Variants in LRP6 observed in about 807,000 individuals in gnomAD.
LRP6 encodes the protein LDL receptor related protein 6.
Under a neutral mutation model 184.1 loss-of-function variants are expected in LRP6, and 43 were observed. The observed-to-expected ratio is 0.23, with a 90% CI of 0.18 to 0.30. LRP6 has a LOEUF of 0.30. Among genes scored for constraint, LRP6 ranks in the 10% least tolerant of loss-of-function variants. LRP6 has a pLI of 1.00. For synonymous variants in LRP6, 719 were observed against 684.9 expected (o/e 1.05, Z -0.78); for missense variants, 1,571 against 2,005.3 (o/e 0.78, Z 4.14).
intron 12 of LRP6, chr12:12,155,181 G>GT (rs1445683634): frequency 3.6e-6 from 2 of 549,688 alleles, no homozygotes; most frequent in Admixed American, 4.5e-5. Flanking sequence ...GGGTGACAGT[G>GT]TGAGACTCTG....
chr12:12,148,979 C>A lies in LRP6; in HGVS notation c.3169G>T (p.Asp1057Tyr). The A allele has an allele frequency of 6.2e-7, 1 of 1,613,816 alleles. No homozygotes were observed. Among genetic ancestry groups the A allele is most frequent in the South Asian group, 1.1e-5 (1 of 91,050 alleles). The change falls in exon 14 of 23, where the codon GAC becomes TAC. Residue 1057 changes from aspartate to tyrosine, a missense_variant. Physicochemically the swap from Asp to Tyr is radical, Grantham distance 160. Around this residue, in one of 4 missense-constraint regions of LRP6, gnomAD observed 763 missense variants for 859.5 expected, o/e 0.89. Transcript: ENST00000261349. ...SVGVVLKGEQ[D>Y]RPRAVVVNPE... ...TTTACCACAACGGCTCGAGGTCTGTCCTGCTCGCCTTTCAGCACCACTCCA... is the reference window on the plus strand; with the variant it reads ...TTTACCACAACGGCTCGAGGTCTGTACTGCTCGCCTTTCAGCACCACTCCA...
In LRP6 at chr12:12,131,359, C is replaced by T. The variant is rs1008999559; in HGVS notation, c.3970+462G>A. Among the ~76,000 whole-genome samples, 20 of 151,950 alleles carry T rather than the reference C, an allele frequency of 1.3e-4. 1 individual carries two copies. In the South Asian group the frequency reaches 1.4e-3, roughly 11 times the overall value. ...TCCTGACCTCGTGATCCGCCCGCCT[C>T]GGCCTCCCAAAGTGCTGGGATTACA... On this transcript the variant is annotated intron_variant, in intron 18 of 22. Transcript: ENST00000261349.
intron 3 of LRP6, among the ~76,000 whole-genome samples, chr12:12,196,080 T>C (rs1441138618): frequency 1.3e-5 from 2 of 152,200 alleles, no homozygotes; most frequent in East Asian, 3.8e-4. Flanking sequence ...CCATGCTGTT[T>C]TGGTTACTAC....
intron 7 of LRP6, among the ~76,000 whole-genome samples, chr12:12,172,069 C>T (rs937028665): frequency 6.6e-6 from 1 of 152,154 alleles, no homozygotes; most frequent in African/African-American, 2.4e-5. Flanking sequence ...AAAAACTGTG[C>T]CAATGTTAAT....
At chr12:12,223,486 C>A (rs1864541469) in intron 2 of LRP6, among the ~76,000 whole-genome samples, 1 of 152,160 alleles carries the variant, frequency 6.6e-6, no homozygotes, top group Non-Finnish European at 1.5e-5. Context: ...GGAATCTGCA[C>A]TTGTTTATAT....
chr12:12,186,921 AC>A lies in LRP6; in HGVS notation c.844+1del. ...GCAATTTAAAAATCAAGGATCACTTACCATTTGGCTGCCTCTGTTGGCTGAA... is the reference window on the plus strand; with the variant it reads ...GCAATTTAAAAATCAAGGATCACTTACATTTGGCTGCCTCTGTTGGCTGAA... On this transcript the variant is annotated splice_donor_variant, in intron 4 of 22. Transcript: ENST00000261349. LOFTEE classifies it high-confidence loss of function. The A allele has an allele frequency of 6.2e-7, 1 of 1,613,826 alleles. No individual in the cohort carries two copies. The highest frequency in any genetic ancestry group is 8.5e-7 in the Non-Finnish European group (1 of 1,179,694).
intron 2 of LRP6, among the ~76,000 whole-genome samples, chr12:12,239,982 G>T (rs1039989518): frequency 5.3e-5 from 8 of 149,696 alleles, no homozygotes; most frequent in African/African-American, 1.5e-4. Flanking sequence ...AACTGGATGA[G>T]AGTTAAGATA....
chr12:12,133,854 G>GTTT (rs761883648), intron 17 of LRP6, among the ~76,000 whole-genome samples: 7,927 of 116,452 alleles, frequency 0.068, 1,277 homozygotes, highest in Middle Eastern at 0.23. Context: ...TTGGGGGGGG[G>GTTT]GGGGGGGGAG....
intron 12 of LRP6, among the ~76,000 whole-genome samples, chr12:12,154,677 C>T (rs945214432): frequency 6.6e-6 from 1 of 151,890 alleles, no homozygotes; most frequent in Non-Finnish European, 1.5e-5. Context: ...CTAACCTGGG[C>T]AACACAGTAA....
At position 12,147,401 on chromosome 12, in the gene LRP6, G is replaced by A; in HGVS notation, c.3362C>T (p.Ser1121Leu). ...ACTGCTTTCAATTCGCCGGAGATCT[G>A]AATCAGCCCAAAAGAGCTTGCCCAG... ...SRLGKLFWADSDLRRIESSDL... is the reference protein window; with the variant it reads ...SRLGKLFWADLDLRRIESSDL... The change falls in exon 15 of 23, where the codon TCA (serine) becomes TTA (leucine). Residue 1121 changes from serine to leucine, a missense_variant. This residue lies in a region of LRP6 where 763 missense variants were observed against 859.5 expected (regional missense o/e 0.89). Transcript: ENST00000261349. 1 of 1,614,128 alleles carries A rather than the reference G, an allele frequency of 6.2e-7. No homozygotes were observed. Among genetic ancestry groups the A allele is most frequent in the South Asian group, 1.1e-5 (1 of 91,074 alleles).
At chr12:12,126,425 A>G (rs1185851971) in intron 20 of LRP6, among the ~76,000 whole-genome samples, 4 of 152,196 alleles carry the variant, frequency 2.6e-5, no homozygotes, top group African/African-American at 9.7e-5. Context: ...CTTCCGTAGC[A>G]TGCATCCAGA....
chr12:12,213,172 G>A (rs77043917), intron 2 of LRP6, among the ~76,000 whole-genome samples: 2,978 of 152,042 alleles, frequency 0.02, 46 homozygotes, highest in Non-Finnish European at 0.029. Context: ...AATGTGTGTG[G>A]AAGTATATGG....
rs1342099103 is a variant in LRP6, at chr12:12,202,366, G to C, written c.647+837C>G. ...AAGACCAGCCTGGGCAACATGGTGA[G>C]ACGCCATCTTTACAAAAATGACAAA... On this transcript the variant is annotated intron_variant, in intron 3 of 22. Coordinates refer to ENST00000261349, the MANE Select transcript of LRP6 (RefSeq NM_002336.3). 2.0e-5 allele frequency among the ~76,000 whole-genome samples: 3 copies of C among 152,300 alleles called. No homozygotes were observed. In the East Asian group the frequency reaches 5.8e-4, roughly 29 times the overall value.
intron 2 of LRP6, among the ~76,000 whole-genome samples, chr12:12,228,805 T>C (rs1864698536): frequency 6.6e-6 from 1 of 152,074 alleles, no homozygotes; most frequent in African/African-American, 2.4e-5. Flanking sequence ...GTGGAAAAAC[T>C]GTCTTCCACA....
At chr12:12,154,607 G>C (rs975079063) in intron 12 of LRP6, among the ~76,000 whole-genome samples, 1 of 152,130 alleles carries the variant, frequency 6.6e-6, no homozygotes, top group South Asian at 2.1e-4. Context: ...GCATGTGCTC[G>C]TAGTTCCAGC....
intron 2 of LRP6, among the ~76,000 whole-genome samples, chr12:12,208,599 G>C (rs762418241): frequency 6.6e-6 from 1 of 152,122 alleles, no homozygotes; most frequent in Non-Finnish European, 1.5e-5. Flanking sequence ...CAAAGGTAAA[G>C]ACTAGGTGTC....
At chr12:12,163,975 C>A (rs1319029724) in intron 9 of LRP6, among the ~76,000 whole-genome samples, 3 of 152,032 alleles carry the variant, frequency 2.0e-5, no homozygotes, top group Non-Finnish European at 4.4e-5. Flanking sequence ...ACTAAAAATA[C>A]AAAAATTAGC....
intron 12 of LRP6, among the ~76,000 whole-genome samples, chr12:12,152,420 G>C (rs1950094503): frequency 6.6e-6 from 1 of 152,052 alleles, no homozygotes; most frequent in East Asian, 1.9e-4. Context: ...CCAAGTAGCT[G>C]GGATTACAGG....
chr12:12,250,256 T>C (rs1865293356), intron 1 of LRP6, among the ~76,000 whole-genome samples: 1 of 152,170 alleles, frequency 6.6e-6, no homozygotes, highest in Non-Finnish European at 1.5e-5. Context: ...ATTAATCTTT[T>C]ATAGTCTCTG....
Sources: gnomAD v4.1 joint callset for allele counts (sites outside exome capture counted in the v4.1 genomes callset) on GRCh38, gnomAD v4.1.1 for gene constraint, gnomAD v4.1.1 regional missense constraint, MANE v1.5 for transcripts, NCBI Gene and HGNC (gene_info 2026-07-23, HGNC 2026-07-21) for gene names.